TMEM184B: variants seen among roughly 807,000 people sequenced by gnomAD.
The protein encoded by TMEM184B is putative MAPK-activating protein FM08.
TMEM184B carries 17 observed loss-of-function variants against 41.8 expected under a neutral mutation model. The ratio of observed to expected loss-of-function variants is 0.41; its 90% CI spans 0.28 to 0.61. The LOEUF is 0.61. Among genes scored for constraint, TMEM184B ranks in the 20% least tolerant of loss-of-function variants. The pLI, the probability that TMEM184B is intolerant of heterozygous loss-of-function variation, is 0.34. For synonymous variants in TMEM184B, 240 were observed against 229.5 expected, an observed-to-expected ratio of 1.05 and a Z score of -0.41; for missense variants, 393 against 557.8, an observed-to-expected ratio of 0.70 and a Z score of 2.98.
intron 1 of TMEM184B, among the ~76,000 whole-genome samples, chr22:38,259,043 G>A (rs2092328282): frequency 1.3e-5 from 2 of 152,082 alleles, no homozygotes; most frequent in African/African-American, 2.4e-5. Context: ...TCCCAAGACT[G>A]CCCCACCTCC....
rs1474719567 is a variant in TMEM184B at position 38,225,033 on chromosome 22, C to G, written c.788-54G>C. ...CCAGAATGATTCCTTTCCTGCTCCC[C>G]CTTCTTCCACAATGCCCCATTCAGC... On this transcript the variant is annotated intron_variant, in intron 7 of 8. Transcript: ENST00000361906. This position sits in a 1 kb window ranked among gnomAD's most constrained non-coding sequence, Gnocchi z 4.4. 4.1e-6 allele frequency: 6 copies of G among 1,479,408 alleles called. No homozygotes were observed. The highest frequency in any genetic ancestry group is 2.8e-5 in the African/African-American group (2 of 71,590). The allele number at this position is 1,479,408 out of a possible 1,614,324, so 91.6% of individuals were successfully genotyped here. A position where few individuals can be genotyped will look rare whatever the true frequency, so the allele number is the denominator to read the frequency against.
chr22:38,246,786 A>T (rs1215457898), intron 2 of TMEM184B: 2 of 1,236,630 alleles, frequency 1.6e-6, no homozygotes, highest in Non-Finnish European at 2.1e-6. Flanking sequence ...GCTACACACA[A>T]ATGCCAAGAG....
chr22:38,256,548 T>C (rs985085336), intron 1 of TMEM184B, among the ~76,000 whole-genome samples: 1 of 152,154 alleles, frequency 6.6e-6, no homozygotes, highest in Non-Finnish European at 1.5e-5. Context: ...TATTGATTGC[T>C]TTTCCACAAG....
intron 1 of TMEM184B, among the ~76,000 whole-genome samples, chr22:38,254,715 A>G (rs1182212746): frequency 2.0e-5 from 3 of 152,202 alleles, no homozygotes; most frequent in Admixed American, 2.0e-4. Flanking sequence ...CAAAAAATAT[A>G]TATCATATAC....
intron 1 of TMEM184B, 52 bp from the exon 2 acceptor site, chr22:38,248,071 T>A (rs1454183944): frequency 1.4e-6 from 2 of 1,462,606 alleles, no homozygotes; most frequent in Non-Finnish European, 9.0e-7. Flanking sequence ...AGTGGCAGCA[T>A]TGGAAAGAAT....
chr22:38,272,557 G>A, intron 1 of TMEM184B: 3 of 985,670 alleles, frequency 3.0e-6, no homozygotes, highest in Non-Finnish European at 3.6e-6. Context: ...CTTGCAAAGC[G>A]CCTTGGTCCA....
At chr22:38,272,492 C>G in intron 1 of TMEM184B, 2 of 985,560 alleles carry the variant, frequency 2.0e-6, no homozygotes, top group Non-Finnish European at 1.2e-6. Context: ...ACGCCTCCCC[C>G]ACTCACTCGG....
chr22:38,246,873 G>T (rs2092042957), intron 2 of TMEM184B: 2 of 1,303,046 alleles, frequency 1.5e-6, no homozygotes. Flanking sequence ...ACTTGGCCCA[G>T]CCGAGCCCTG....
intron 5 of TMEM184B, among the ~76,000 whole-genome samples, chr22:38,229,540 C>T (rs57081660): frequency 0.015 from 2,277 of 152,322 alleles, 61 homozygotes; most frequent in African/African-American, 0.053. Flanking sequence ...ACACACTGAG[C>T]GACCCCACCA....
intron 1 of TMEM184B, among the ~76,000 whole-genome samples, chr22:38,262,864 T>G (rs1449551979): frequency 6.6e-6 from 1 of 152,206 alleles, no homozygotes; most frequent in African/African-American, 2.4e-5. Flanking sequence ...CTTCCTACAC[T>G]GGGCAGGAGG....
Position 38,219,826 on chromosome 22 carries a change from C to A in TMEM184B, c.*1643G>T. The A allele has an allele frequency of 3.0e-6, 3 of 985,474 alleles. No individual in the cohort carries two copies. Among genetic ancestry groups the A allele is most frequent in the Non-Finnish European group, 3.6e-6 (3 of 829,970 alleles). 61.0% of individuals were successfully genotyped at this position (985,474 alleles called of 1,614,324 possible). A position where few individuals can be genotyped will look rare whatever the true frequency, so the allele number is the denominator to read the frequency against. ...CTGTGTCTGCACCCACCCTCCCGGGCAGCTTGGGCCCAACTGCTCCGCCCC... is the reference window on the plus strand; with the variant it reads ...CTGTGTCTGCACCCACCCTCCCGGGAAGCTTGGGCCCAACTGCTCCGCCCC... On this transcript the variant is annotated 3_prime_UTR_variant, in exon 9 of 9. Coordinates refer to ENST00000361906, the MANE Select transcript of TMEM184B (RefSeq NM_012264.5).
At chr22:38,272,135 A>C (rs911626158) in intron 1 of TMEM184B, among the ~76,000 whole-genome samples, 1 of 152,228 alleles carries the variant, frequency 6.6e-6, no homozygotes, top group Non-Finnish European at 1.5e-5. Context: ...CTGGCCTTAT[A>C]CAACACCTCC....
At chr22:38,233,747 A>AT (rs67986725) in intron 3 of TMEM184B, among the ~76,000 whole-genome samples, 47,850 of 151,220 alleles carry the variant, frequency 0.32, 7,679 homozygotes, top group Admixed American at 0.37. Context: ...TGATGGTTGT[A>AT]TTTTTTTTTG....
downstream of TMEM184B, among the ~76,000 whole-genome samples, chr22:38,217,461 A>T (rs2091162851): frequency 6.8e-6 from 1 of 146,402 alleles, no homozygotes; most frequent in Admixed American, 6.9e-5. Context: ...TAACACGGTG[A>T]AACCCCGTCT....
intron 1 of TMEM184B, among the ~76,000 whole-genome samples, chr22:38,249,419 G>C (rs1271250493): frequency 6.6e-6 from 1 of 152,176 alleles, no homozygotes; most frequent in African/African-American, 2.4e-5. Context: ...CAAAATGCTG[G>C]GATTATAGGC....
chr22:38,240,673 G>A (rs1306763922), intron 3 of TMEM184B, among the ~76,000 whole-genome samples: 1 of 146,920 alleles, frequency 6.8e-6, no homozygotes, highest in Non-Finnish European at 1.5e-5. Flanking sequence ...TGAGATTTCA[G>A]GACACTGGGG....
chr22:38,231,457 G>T, intron 3 of TMEM184B, 123 bp from the exon 4 acceptor site: 1 of 835,358 alleles, frequency 1.2e-6, no homozygotes, highest in Non-Finnish European at 2.1e-6. Context: ...GGAGGAGGCT[G>T]GGGGACATAA....
chr22:38,217,681 T>C (rs868462000), downstream of TMEM184B, among the ~76,000 whole-genome samples: 3 of 145,876 alleles, frequency 2.1e-5, no homozygotes, highest in East Asian at 6.0e-4. Context: ...CAGAAAAACA[T>C]AGCTGAGTGT....
intron 3 of TMEM184B, among the ~76,000 whole-genome samples, chr22:38,237,801 CT>C (rs563345165): frequency 0.03 from 4,114 of 139,386 alleles, 128 homozygotes; most frequent in African/African-American, 0.079. Flanking sequence ...TCCCTACTGT[CT>C]TTTTTTTTTT....
Sources: gnomAD v4.1 joint callset for allele counts (sites outside exome capture counted in the v4.1 genomes callset) on GRCh38, gnomAD v4.1.1 for gene constraint, Gnocchi (gnomAD v3.1) non-coding constraint, MANE v1.5 for transcripts, NCBI Gene and HGNC (gene_info 2026-07-23, HGNC 2026-07-21) for gene names.